Variants in ZC3H12B observed in about 807,000 individuals in gnomAD.
ZC3H12B encodes probable ribonuclease ZC3H12B.
In ZC3H12B, 7 loss-of-function variants were observed where a neutral mutation model predicts 43.9. The ratio of observed to expected loss-of-function variants is 0.16; its 90% CI spans 0.09 to 0.30. ZC3H12B has a LOEUF of 0.30. Ranked by LOEUF, ZC3H12B falls within the 10% of genes least tolerant of loss-of-function variation. The pLI is 1.00. For missense variants in ZC3H12B, 475 were observed against 670.2 expected (o/e 0.71, Z 3.22); for synonymous variants, 222 against 241.7 (o/e 0.92, Z 0.76).
the ZC3H12B span, among the ~76,000 whole-genome samples, chrX:65,276,666 A>G: frequency 8.9e-6 from 1 of 112,105 alleles, no homozygotes; most frequent in Non-Finnish European, 1.9e-5. Context: ...GAAAGTCATC[A>G]CTACTAGACT....
the ZC3H12B span, among the ~76,000 whole-genome samples, chrX:65,300,336 G>A: frequency 8.9e-6 from 1 of 112,026 alleles, no homozygotes; most frequent in Non-Finnish European, 1.9e-5. Flanking sequence ...GGGCAGGGTG[G>A]TAGTAAGACT....
At chrX:65,298,103 G>A in the ZC3H12B span, among the ~76,000 whole-genome samples, 1 of 111,970 alleles carries the variant, frequency 8.9e-6, no homozygotes, top group Admixed American at 9.5e-5. Context: ...AAGACTTTAT[G>A]ACCAAAACCC....
At chrX:65,372,551 A>G (rs1371730655) in intron 2 of ZC3H12B, among the ~76,000 whole-genome samples, 2 of 100,971 alleles carry the variant, frequency 2.0e-5, no homozygotes, top group Non-Finnish European at 4.0e-5. Context: ...GAAGGAAAAC[A>G]TGTCAATTTG....
exon 5 of ZC3H12B, chrX:65,502,377 T>A: frequency 8.3e-7 from 1 of 1,211,414 alleles, no homozygotes; most frequent in Non-Finnish European, 1.1e-6. Flanking sequence ...ATCAACAGCA[T>A]GCATAACCGA....
the ZC3H12B span, among the ~76,000 whole-genome samples, chrX:65,128,561 G>A: frequency 1.8e-5 from 2 of 111,605 alleles, no homozygotes; most frequent in African/African-American, 6.5e-5. Context: ...AATAAATATT[G>A]ATTAATTCCT....
chrX:65,141,035 C>G, the ZC3H12B span, among the ~76,000 whole-genome samples: 1 of 110,999 alleles, frequency 9.0e-6, no homozygotes, highest in East Asian at 2.8e-4. Context: ...TTTTCTTTTA[C>G]TGTTTTCTAG....
At chrX:65,070,528 G>A in the ZC3H12B span, among the ~76,000 whole-genome samples, 34 of 110,904 alleles carry the variant, frequency 3.1e-4, no homozygotes, top group South Asian at 0.013. Context: ...GTGATGTTAG[G>A]TTGTTAATTT....
At chrX:65,430,244 C>G (rs989884591) in intron 3 of ZC3H12B, among the ~76,000 whole-genome samples, 6 of 111,237 alleles carry the variant, frequency 5.4e-5, no homozygotes. Context: ...CCAAGGCCCT[C>G]ATAGTGTGGG....
At chrX:65,357,085 G>C in the ZC3H12B span, 1 of 544,212 alleles carries the variant, frequency 1.8e-6, no homozygotes. Context: ...GCCAGTCACT[G>C]CCCACCACAA....
upstream of ZC3H12B, among the ~76,000 whole-genome samples, chrX:65,365,694 A>G (rs987303582): frequency 1.8e-5 from 2 of 111,228 alleles, no homozygotes; most frequent in Non-Finnish European, 3.8e-5. Context: ...CTAAGCCATC[A>G]TATCCCCTGT....
At position 65,450,646 on chromosome X, in the gene ZC3H12B, T is replaced by A. The variant is rs1206784967; in HGVS notation, n.408-38000T>A. ...ATGTGTATATATGTATATGTATACA[T>A]ATGTGTATATATGTATATGTATACA... On this transcript the variant is annotated intron_variant and non_coding_transcript_variant, in intron 3 of 5. Coordinates refer to the ZC3H12B transcript ENST00000617377. Among the ~76,000 whole-genome samples, 18 of 15,110 alleles carry A rather than the reference T, an allele frequency of 1.2e-3. 1 individual carries two copies. The highest frequency in any genetic ancestry group is 4.5e-3 in the Admixed American group (4 of 896). The allele number at this position is 15,110 out of a possible 115,157, so 13.1% of individuals were successfully genotyped here.
chrX:65,186,418 G>A, the ZC3H12B span: 1 of 106,925 alleles, frequency 9.4e-6, no homozygotes, highest in Non-Finnish European at 1.9e-5. Context: ...CTTGAACCCA[G>A]GAGGCCAGAG....
the ZC3H12B span, among the ~76,000 whole-genome samples, chrX:65,048,809 A>C: frequency 9.0e-6 from 1 of 110,893 alleles, no homozygotes; most frequent in Non-Finnish European, 1.9e-5. Context: ...TGTAAGACCT[A>C]ATGTACGACA....
chrX:65,392,599 C>A (rs1438827346), intron 2 of ZC3H12B, among the ~76,000 whole-genome samples: 1 of 110,057 alleles, frequency 9.1e-6, no homozygotes, highest in Non-Finnish European at 1.9e-5. Flanking sequence ...GTGGGTGGTG[C>A]CCCCGCCCAG....
At chrX:65,047,514 C>T in the ZC3H12B span, among the ~76,000 whole-genome samples, 4 of 111,224 alleles carry the variant, frequency 3.6e-5, no homozygotes, top group African/African-American at 3.3e-5. Flanking sequence ...TTCAGGCTAA[C>T]ACTTTATAAA....
chrX:65,386,275 C>T (rs2066524126), intron 2 of ZC3H12B, among the ~76,000 whole-genome samples: 1 of 111,613 alleles, frequency 9.0e-6, no homozygotes, highest in Non-Finnish European at 1.9e-5. Context: ...CTGTCTGTTC[C>T]TGGACTTTTT....
intron 2 of ZC3H12B, among the ~76,000 whole-genome samples, chrX:65,388,015 T>C (rs2066555087): frequency 8.9e-6 from 1 of 112,507 alleles, no homozygotes; most frequent in African/African-American, 3.2e-5. Flanking sequence ...TATCTGCTGT[T>C]AGTCTGATGG....
At chrX:65,442,560 G>T (rs1183205033) in intron 3 of ZC3H12B, among the ~76,000 whole-genome samples, 1 of 111,383 alleles carries the variant, frequency 9.0e-6, no homozygotes, top group Non-Finnish European at 1.9e-5. Flanking sequence ...TTAATCTGAG[G>T]TTGGGCCTGG....
the ZC3H12B span, among the ~76,000 whole-genome samples, chrX:65,142,067 T>C: frequency 1.8e-5 from 2 of 112,255 alleles, no homozygotes; most frequent in Non-Finnish European, 3.8e-5. Context: ...GTTCTACTTT[T>C]AGTTTTTTAA....
Sources: allele counts gnomAD v4.1 joint callset (sites outside exome capture counted in the v4.1 genomes callset), GRCh38; gene constraint gnomAD v4.1.1; transcripts MANE v1.5; gene names NCBI Gene and HGNC (gene_info 2026-07-23, HGNC 2026-07-21).